CHD7: variants seen among roughly 807,000 people sequenced by gnomAD.
CHD7 encodes chromodomain helicase DNA binding protein 7.
A neutral mutation model predicts 307.3 loss-of-function variants in CHD7; 24 were observed. That is an observed-to-expected ratio of 0.08 (90% CI 0.06 to 0.11). The LOEUF (loss-of-function observed/expected upper bound fraction) is 0.11. CHD7 is among the 10% of genes least tolerant of loss of function. CHD7 has a pLI of 1.00. For synonymous variants in CHD7, 1,363 were observed against 1,349.9 expected (o/e 1.01, Z -0.21); for missense variants, 3,106 against 3,727.1 (o/e 0.83, Z 4.34).
chr8:60,865,253 C>T lies in CHD7; in HGVS notation c.8314C>T (p.Leu2772Phe), dbSNP rs769262633. ...QNLQSLQLAG[L>F]MGFPPGLATA... ...TCTCCAGTCGCTCCAGCTGGCAGGC[C>T]TCATGGGCTTCCCTCCAGGACTGGC... Residue 2772 changes from leucine to phenylalanine, a missense_variant, in exon 38 of 38, where the codon CTC becomes TTC. Leu to Phe is a conservative substitution (Grantham distance 22, BLOSUM62 0). This residue lies in a region of CHD7 where 351 missense variants were observed against 366.2 expected (regional missense o/e 0.96). Coordinates refer to ENST00000423902, the MANE Select transcript of CHD7 (RefSeq NM_017780.4). The surrounding 1 kb of genome is among the most constrained non-coding windows in gnomAD (Gnocchi z 4.3). 8.1e-6 allele frequency: 13 copies of T among 1,607,162 alleles called. No individual in the cohort carries two copies. The highest frequency in any genetic ancestry group is 1.3e-5 in the African/African-American group (1 of 74,814).
At chr8:60,717,943 G>A (rs1422742852) in intron 1 of CHD7, among the ~76,000 whole-genome samples, 1 of 145,898 alleles carries the variant, frequency 6.9e-6, no homozygotes, top group African/African-American at 2.4e-5. Flanking sequence ...TTATTTTGGA[G>A]TATACCCCTT....
chr8:60,803,695 AAAAT>A (rs1812418411), intron 6 of CHD7, among the ~76,000 whole-genome samples: 1 of 152,246 alleles, frequency 6.6e-6, no homozygotes, highest in African/African-American at 2.4e-5. Context: ...GGGCAATAAA[AAAAT>A]CCATTAGAAG....
chr8:60,782,082 A>G (rs1811266996), intron 3 of CHD7, among the ~76,000 whole-genome samples: 1 of 152,186 alleles, frequency 6.6e-6, no homozygotes, highest in South Asian at 2.1e-4. Context: ...AAAAACTGAG[A>G]GGAGAAGACA....
At chr8:60,845,932 C>T (rs1257371003) in intron 23 of CHD7, among the ~76,000 whole-genome samples, 2 of 152,196 alleles carry the variant, frequency 1.3e-5, no homozygotes, top group African/African-American at 4.8e-5. Flanking sequence ...ATTAGTTTGT[C>T]TATTCTGTGT....
chr8:60,713,080 G>A (rs1293014867), intron 1 of CHD7, among the ~76,000 whole-genome samples: 2 of 145,826 alleles, frequency 1.4e-5, no homozygotes, highest in Non-Finnish European at 3.0e-5. Flanking sequence ...ATTCTTTCCA[G>A]ATTAAATTGC....
In CHD7 at chr8:60,827,230, C is replaced by T. The variant is rs565584817; in HGVS notation, c.3379-1433C>T. 3.3e-5 allele frequency among the ~76,000 whole-genome samples: 5 copies of T among 149,838 alleles called. No individual in the cohort carries two copies. In the South Asian group the frequency reaches 1.0e-3, roughly 31 times the overall value. On this transcript the variant is annotated intron_variant, in intron 13 of 37. Coordinates refer to ENST00000423902, the MANE Select transcript of CHD7 (RefSeq NM_017780.4). ...AACCTGCACAATGTACACATGTACC[C>T]TAAAACTTAAAGTATAATAAAAAAA...
intron 1 of CHD7, among the ~76,000 whole-genome samples, chr8:60,730,319 A>C (rs1808378232): frequency 6.6e-6 from 1 of 152,184 alleles, no homozygotes; most frequent in Non-Finnish European, 1.5e-5. Flanking sequence ...AAATATACAG[A>C]GTTTGTGGAT....
intron 1 of CHD7, among the ~76,000 whole-genome samples, chr8:60,728,843 G>A (rs2150557781): frequency 6.6e-6 from 1 of 152,122 alleles, no homozygotes; most frequent in South Asian, 2.1e-4. Context: ...TAGGTTTGGG[G>A]GTACATGTGA....
At chr8:60,687,793 A>T (rs1217137687) in intron 1 of CHD7, among the ~76,000 whole-genome samples, 1 of 152,184 alleles carries the variant, frequency 6.6e-6, no homozygotes. Flanking sequence ...ACTAAAAGGG[A>T]TGAGAAGTTA....
In CHD7 at chr8:60,781,290, C is replaced by A. The variant is rs1276509961; in HGVS notation, c.1956C>A (p.Asp652Glu). Residue 652 changes from aspartate to glutamate, a missense_variant, in exon 3 of 38, where the codon GAC (aspartate) becomes GAA (glutamate). Transcript: ENST00000423902. ...AGAAAAGGTCAAAGGCAAAAAAAGA[C>A]CCGAAGGAACCGAAAGAACCCAAGG... ...KKKKRSKAKK[D>E]PKEPKEPKEK... is the part of the protein sequence containing the mutation. 47 of 1,563,114 alleles carry A rather than the reference C, an allele frequency of 3.0e-5. No individual in the cohort carries two copies. The highest frequency in any genetic ancestry group is 3.6e-5 in the Non-Finnish European group (42 of 1,154,320).
At chr8:60,860,543 T>C (rs1805921641) in intron 34 of CHD7, among the ~76,000 whole-genome samples, 1 of 152,260 alleles carries the variant, frequency 6.6e-6, no homozygotes, top group Non-Finnish European at 1.5e-5. Flanking sequence ...CAAGTGATTC[T>C]CCTGCCCCAG....
chr8:60,785,467 C>G (rs1811448196), intron 3 of CHD7, among the ~76,000 whole-genome samples: 1 of 152,076 alleles, frequency 6.6e-6, no homozygotes, highest in African/African-American at 2.4e-5. Context: ...TGTGAGGGTG[C>G]TTTTTGCAAA....
rs774255090 is a variant in CHD7, at chr8:60,860,976, G to A, written c.7681G>A (p.Gly2561Arg). ...TPPTRNIPSP[G>R]QLDPDTRIPV... Reference sequence around the variant, plus strand: ...ACCAACAAGAAACATTCCTTCTCCCGGACAGCTGGACCCAGACACACGGAT... The same window carrying A: ...ACCAACAAGAAACATTCCTTCTCCCAGACAGCTGGACCCAGACACACGGAT... The change falls in exon 35 of 38, where the codon GGA (glycine) becomes AGA (arginine). Residue 2561 changes from glycine to arginine, a missense_variant. Coordinates refer to ENST00000423902, the MANE Select transcript of CHD7 (RefSeq NM_017780.4). The A allele has an allele frequency of 2.0e-5, 33 of 1,613,764 alleles. No individual in the cohort carries two copies. The highest frequency in any genetic ancestry group is 3.3e-5 in the Admixed American group (2 of 59,996).
intron 3 of CHD7, among the ~76,000 whole-genome samples, chr8:60,791,571 T>C (rs754025216): frequency 6.6e-6 from 1 of 152,236 alleles, no homozygotes; most frequent in Non-Finnish European, 1.5e-5. Context: ...GTCTGTGTTT[T>C]GAGTTTGACA....
chr8:60,785,585 A>C lies in CHD7; in HGVS notation c.2096+4155A>C, dbSNP rs147389259. Among the ~76,000 whole-genome samples, 409 of 152,334 alleles carry C rather than the reference A, an allele frequency of 2.7e-3. 1 individual carries two copies. Among genetic ancestry groups the C allele is most frequent in the Admixed American group, 5.4e-3 (82 of 15,304 alleles). Reference sequence around the variant, plus strand: ...TCAGTTACGAGCTTACAGAGTAGCAACGTTTACCTGAGAAATACTTTTACT... The same window carrying C: ...TCAGTTACGAGCTTACAGAGTAGCACCGTTTACCTGAGAAATACTTTTACT... On this transcript the variant is annotated intron_variant, in intron 3 of 37. Coordinates refer to ENST00000423902, the MANE Select transcript of CHD7 (RefSeq NM_017780.4).
intron 1 of CHD7, among the ~76,000 whole-genome samples, chr8:60,730,867 A>T (rs893228759): frequency 1.3e-5 from 2 of 152,228 alleles, no homozygotes; most frequent in African/African-American, 4.8e-5. Context: ...CTCAAAAAAA[A>T]AAAAGGAAAT....
chr8:60,699,431 A>G (rs1419849330), intron 1 of CHD7, among the ~76,000 whole-genome samples: 1 of 152,236 alleles, frequency 6.6e-6, no homozygotes, highest in Non-Finnish European at 1.5e-5. Flanking sequence ...AATGATTTCA[A>G]ACATTGATGA....
chr8:60,787,829 CTTTTTTT>C (rs33993174), intron 3 of CHD7, among the ~76,000 whole-genome samples: 2 of 108,826 alleles, frequency 1.8e-5, no homozygotes, highest in African/African-American at 3.4e-5. Flanking sequence ...GATTTTCTTT[CTTTTTTT>C]TTTTTTTTTT....
intron 1 of CHD7, among the ~76,000 whole-genome samples, chr8:60,738,730 A>G (rs1187968395): frequency 6.6e-6 from 1 of 152,164 alleles, no homozygotes; most frequent in Non-Finnish European, 1.5e-5. Context: ...TGGCTGTCCC[A>G]GTGAGCGGTC....
Sources: allele counts gnomAD v4.1 joint callset (sites outside exome capture counted in the v4.1 genomes callset), GRCh38; gene constraint gnomAD v4.1.1; regional missense constraint gnomAD v4.1.1; non-coding constraint Gnocchi (gnomAD v3.1); transcripts MANE v1.5; gene names NCBI Gene and HGNC (gene_info 2026-07-23, HGNC 2026-07-21).